The following CPED1 variants were observed in gnomAD, a reference collection of about 807,000 sequenced individuals.
The protein encoded by CPED1 is cadherin-like and PC-esterase domain-containing protein 1.
In CPED1, 114 loss-of-function variants were observed where a neutral mutation model predicts 128.2. The observed-to-expected ratio is 0.89, with a 90% confidence interval of 0.76 to 1.04. The LOEUF (loss-of-function observed/expected upper bound fraction) is 1.04, where lower values mean the gene tolerates loss of function less well. Ranked by LOEUF, CPED1 falls within the 50% of genes least tolerant of loss-of-function variation. The pLI is 0.00. For synonymous variants in CPED1, 462 were observed against 426.7 expected (o/e 1.08, Z -1.02); for missense variants, 1,211 against 1,207.1 (o/e 1.00, Z -0.05).
intron 17 of CPED1, among the ~76,000 whole-genome samples, chr7:121,241,617 C>T (rs1798399065): frequency 6.6e-6 from 1 of 152,110 alleles, no homozygotes; most frequent in Non-Finnish European, 1.5e-5. Flanking sequence ...CATCTCTTCA[C>T]TGTACCTAAA....
At chr7:121,291,240 G>A (rs543977002) in intron 22 of CPED1, among the ~76,000 whole-genome samples, 2 of 152,318 alleles carry the variant, frequency 1.3e-5, no homozygotes, top group South Asian at 4.2e-4. Flanking sequence ...GTAGTGTGAT[G>A]CCTCCAGCTT....
intron 5 of CPED1, among the ~76,000 whole-genome samples, chr7:121,096,412 T>A (rs2116209144): frequency 6.6e-6 from 1 of 152,192 alleles, no homozygotes; most frequent in Non-Finnish European, 1.5e-5. Context: ...AATTATATAA[T>A]TAAAAAATAA....
intron 3 of CPED1, among the ~76,000 whole-genome samples, chr7:121,027,951 C>A (rs773199364): frequency 6.6e-6 from 1 of 151,938 alleles, no homozygotes; most frequent in East Asian, 1.9e-4. Flanking sequence ...ATGAGGAGAG[C>A]AGAGGCGACT....
intron 22 of CPED1, among the ~76,000 whole-genome samples, chr7:121,279,092 G>C (rs1460189681): frequency 6.6e-6 from 1 of 152,078 alleles, no homozygotes; most frequent in African/African-American, 2.4e-5. Flanking sequence ...GGTGAAAACA[G>C]GTTTTGTTTT....
intron 2 of CPED1, among the ~76,000 whole-genome samples, chr7:121,014,393 A>C (rs74608755): frequency 0.23 from 34,846 of 151,834 alleles, 4,305 homozygotes; most frequent in East Asian, 0.4. Context: ...TCTACTAAAA[A>C]TACAAAAATT....
intron 17 of CPED1, among the ~76,000 whole-genome samples, 196 bp from the exon 18 acceptor site, chr7:121,244,006 T>C (rs1798461019): frequency 6.6e-6 from 1 of 152,264 alleles, no homozygotes; most frequent in Admixed American, 6.5e-5. Context: ...TGAAATGTGT[T>C]ATTTCAGAAC....
In CPED1 at chr7:121,029,885, A is replaced by G. The variant is rs537583413; in HGVS notation, c.433+14037A>G. ...CCAGGTTAATTTTATATACATTTTCATATCTGTCTAATTTTTTTTGGCATT... is the reference window on the plus strand; with the variant it reads ...CCAGGTTAATTTTATATACATTTTCGTATCTGTCTAATTTTTTTTGGCATT... On this transcript the variant is annotated intron_variant, in intron 3 of 22. Coordinates refer to ENST00000310396, the MANE Select transcript of CPED1 (RefSeq NM_024913.5). Among the ~76,000 whole-genome samples the G allele has an allele frequency of 2.6e-5, 4 of 152,212 alleles. No individual in the cohort carries two copies. In the East Asian group the frequency reaches 7.7e-4, roughly 29 times the overall value.
intron 14 of CPED1, among the ~76,000 whole-genome samples, chr7:121,139,038 A>ACT (rs1166329256): frequency 6.6e-6 from 1 of 151,844 alleles, no homozygotes; most frequent in East Asian, 1.9e-4. Flanking sequence ...TTACAGAATG[A>ACT]CTTCTAATAA....
At chr7:121,247,856 C>T (rs1415726862) in intron 18 of CPED1, among the ~76,000 whole-genome samples, 1 of 152,146 alleles carries the variant, frequency 6.6e-6, no homozygotes, top group Non-Finnish European at 1.5e-5. Flanking sequence ...GAAGTTTTAT[C>T]CCCAGCCTAC....
chr7:121,039,324 T>A (rs1180491436), intron 3 of CPED1, among the ~76,000 whole-genome samples: 5 of 152,074 alleles, frequency 3.3e-5, no homozygotes, highest in Non-Finnish European at 7.4e-5. Context: ...CGTACCTTTG[T>A]TGTTACTTTT....
At chr7:121,071,179 A>G (rs1362042316) in intron 5 of CPED1, among the ~76,000 whole-genome samples, 1 of 152,168 alleles carries the variant, frequency 6.6e-6, no homozygotes, top group Non-Finnish European at 1.5e-5. Context: ...AGACAGGAGC[A>G]AGTGGTCTCA....
chr7:121,144,885 A>G (rs1368292631), intron 16 of CPED1, among the ~76,000 whole-genome samples: 1 of 152,046 alleles, frequency 6.6e-6, no homozygotes, highest in Non-Finnish European at 1.5e-5. Context: ...ACTGTATTTC[A>G]CTTATATGAA....
At chr7:121,015,522 C>G in intron 2 of CPED1, 143 bp from the exon 3 acceptor site, 1 of 678,650 alleles carries the variant, frequency 1.5e-6, no homozygotes, top group South Asian at 2.2e-5. Context: ...TTGTCCTTGT[C>G]AGCCTTTCAG....
At chr7:121,153,029 G>A (rs1796194451) in intron 16 of CPED1, among the ~76,000 whole-genome samples, 2 of 152,098 alleles carry the variant, frequency 1.3e-5, no homozygotes, top group Non-Finnish European at 2.9e-5. Context: ...CAATAAGAGA[G>A]AAAACCTTTC....
At chr7:121,003,948 T>A (rs1791934842) in intron 2 of CPED1, among the ~76,000 whole-genome samples, 1 of 152,216 alleles carries the variant, frequency 6.6e-6, no homozygotes, top group South Asian at 2.1e-4. Context: ...AAACTTGGTC[T>A]ACTTCTTTTA....
At chr7:121,080,786 G>C (rs1448446899) in intron 5 of CPED1, among the ~76,000 whole-genome samples, 1 of 152,010 alleles carries the variant, frequency 6.6e-6, no homozygotes, top group African/African-American at 2.4e-5. Flanking sequence ...GGTGTTGGGG[G>C]ATATACTGTT....
chr7:121,072,424 A>C (rs567267250), intron 5 of CPED1, among the ~76,000 whole-genome samples: 1 of 152,144 alleles, frequency 6.6e-6, no homozygotes, highest in African/African-American at 2.4e-5. Context: ...CCCAGCATTC[A>C]TAGTATAGAA....
chr7:121,111,615 G>A lies in CPED1; in HGVS notation c.918+11521G>A, dbSNP rs187973114. Among the ~76,000 whole-genome samples, 378 of 152,284 alleles carry A rather than the reference G, an allele frequency of 2.5e-3. 1 individual carries two copies. The highest frequency in any genetic ancestry group is 4.2e-3 in the Non-Finnish European group (286 of 68,010). The stretch of plus-strand genomic sequence containing the variant: ...CTAAAAAGGGTTCAATCTATTCAAT[G>A]TTTGGGATGGAAGCCAGAGTGAAGT... On this transcript the variant is annotated intron_variant, in intron 7 of 22. Coordinates refer to ENST00000310396, the MANE Select transcript of CPED1 (RefSeq NM_024913.5).
At chr7:121,266,478 A>C (rs767279634) in intron 19 of CPED1, 31 bp downstream of exon 19, 2 of 1,539,302 alleles carry the variant, frequency 1.3e-6, no homozygotes, top group South Asian at 2.2e-5. Context: ...AAGACACAAA[A>C]CCCACAAAGT....
Sources: gnomAD v4.1 joint callset for allele counts (sites outside exome capture counted in the v4.1 genomes callset) on GRCh38, gnomAD v4.1.1 for gene constraint, MANE v1.5 for transcripts, NCBI Gene and HGNC (gene_info 2026-07-23, HGNC 2026-07-21) for gene names.